Variants in PARN observed in about 807,000 individuals in gnomAD.
PARN encodes poly(A)-specific ribonuclease PARN.
PARN carries 71 observed loss-of-function variants against 102.8 expected under a neutral mutation model. The observed-to-expected ratio is 0.69, with a 90% CI of 0.57 to 0.84. The LOEUF (loss-of-function observed/expected upper bound fraction) is 0.84. Ranked by LOEUF, PARN falls within the 40% of genes least tolerant of loss-of-function variation. The pLI is 0.00. For missense variants in PARN, 782 were observed against 760.9 expected (o/e 1.03, Z -0.33); for synonymous variants, 261 against 252.9 (o/e 1.03, Z -0.30).
chr16:14,628,196 T>C lies in PARN; in HGVS notation c.153A>G (p.Glu51=). Residue 51 remains glutamate, a synonymous_variant, in exon 3 of 24, where the codon GAA becomes GAG. Coordinates refer to ENST00000437198, the MANE Select transcript of PARN (RefSeq NM_002582.4). The part of the protein sequence containing the change: ...SALTNGFDTP[E]ERYQKLKKHS... ...CCTTTTTAAGCTTCTGATACCTCTC[T>C]TCTGGAGTGTCAAAACCATTTGTTA... 2 of 1,602,956 alleles carry C rather than the reference T, an allele frequency of 1.2e-6. No individual in the cohort carries two copies. Among genetic ancestry groups the C allele is most frequent in the Non-Finnish European group, 1.7e-6 (2 of 1,170,306 alleles).
chr16:14,474,022 TC>T (rs1340387266), intron 22 of PARN, among the ~76,000 whole-genome samples: 3 of 152,142 alleles, frequency 2.0e-5, no homozygotes, highest in African/African-American at 7.2e-5. Context: ...TTTCTGAGTC[TC>T]ATTTTGTCAC....
Position 14,586,070 on chromosome 16 carries a change from C to T in PARN, c.962+248G>A, listed in dbSNP as rs192225871. Among the ~76,000 whole-genome samples, 638 of 150,882 alleles carry T rather than the reference C, an allele frequency of 4.2e-3. 2 individuals carry two copies. The highest frequency in any genetic ancestry group is 0.01 in the Middle Eastern group (3 of 292). ...TTATGGCTCACTGCAACCTGGACCT[C>T]CTGGGTTCAAGCAATTCGCCCACTT... is the stretch of plus-strand genomic sequence containing the variant. On this transcript the variant is annotated intron_variant, in intron 14 of 23. Transcript: ENST00000437198.
At chr16:14,506,052 G>A (rs1964880980) in intron 21 of PARN, among the ~76,000 whole-genome samples, 1 of 152,170 alleles carries the variant, frequency 6.6e-6, no homozygotes, top group Non-Finnish European at 1.5e-5. Flanking sequence ...AGCAATAAGG[G>A]AACAAACTGA....
In PARN at chr16:14,549,374, G is replaced by A. The variant is rs113132604; in HGVS notation, c.1480+2647C>T. On this transcript the variant is annotated intron_variant, in intron 21 of 23. Coordinates refer to ENST00000437198, the MANE Select transcript of PARN (RefSeq NM_002582.4). ...TTCCTCATGCTGCAGTGTGTGTCAGGTATGAGAGAGGACTCAGGGCCAAAC... is the reference window on the plus strand; with the variant it reads ...TTCCTCATGCTGCAGTGTGTGTCAGATATGAGAGAGGACTCAGGGCCAAAC... Among the ~76,000 whole-genome samples, 1,231 of 152,190 alleles carry A rather than the reference G, an allele frequency of 8.1e-3. 10 individuals are homozygous for A. The highest frequency in any genetic ancestry group is 0.013 in the Non-Finnish European group (901 of 68,012).
At chr16:14,488,222 C>T (rs1258027748) in intron 21 of PARN, among the ~76,000 whole-genome samples, 3 of 152,094 alleles carry the variant, frequency 2.0e-5, no homozygotes, top group Non-Finnish European at 4.4e-5. Flanking sequence ...CTTAGTCACA[C>T]CATGCCGAAA....
intron 9 of PARN, among the ~76,000 whole-genome samples, chr16:14,607,653 T>A (rs1292036100): frequency 3.3e-5 from 5 of 152,128 alleles, no homozygotes; most frequent in African/African-American, 1.2e-4. Flanking sequence ...AAGGACGACA[T>A]GACAGGAAAG....
chr16:14,600,656 T>C (rs1461157233), intron 11 of PARN, among the ~76,000 whole-genome samples: 1 of 151,940 alleles, frequency 6.6e-6, no homozygotes, highest in Non-Finnish European at 1.5e-5. Flanking sequence ...ACTGGCTGGG[T>C]GAAGTGGCTC....
intron 16 of PARN, among the ~76,000 whole-genome samples, chr16:14,583,551 G>A (rs1268423327): frequency 1.3e-5 from 2 of 152,006 alleles, no homozygotes; most frequent in East Asian, 3.8e-4. Context: ...TATAGAAAAG[G>A]TCCACGTTTT....
At chr16:14,564,040 C>G (rs1420106532) in intron 18 of PARN, among the ~76,000 whole-genome samples, 1 of 152,074 alleles carries the variant, frequency 6.6e-6, no homozygotes, top group East Asian at 1.9e-4. Context: ...CCCTTGGCCA[C>G]CATGGAGGCC....
intron 22 of PARN, among the ~76,000 whole-genome samples, chr16:14,479,948 T>C (rs1963288122): frequency 6.7e-6 from 1 of 148,202 alleles, no homozygotes; most frequent in African/African-American, 2.5e-5. Context: ...AGACAATCAC[T>C]GCAACCTTAG....
chr16:14,604,024 T>C, intron 11 of PARN, 122 bp downstream of exon 11: 2 of 735,586 alleles, frequency 2.7e-6, no homozygotes, highest in Non-Finnish European at 4.7e-6. Context: ...GCCAATTCCA[T>C]TGTTCTATGA....
At chr16:14,604,487 C>T (rs770867065) in intron 10 of PARN, among the ~76,000 whole-genome samples, 2 of 152,066 alleles carry the variant, frequency 1.3e-5, no homozygotes, top group Non-Finnish European at 2.9e-5. Context: ...TCTCAAACTC[C>T]CCACCTCAGG....
At chr16:14,579,710 C>T (rs956399363) in intron 18 of PARN, among the ~76,000 whole-genome samples, 3 of 152,140 alleles carry the variant, frequency 2.0e-5, no homozygotes, top group Non-Finnish European at 4.4e-5. Context: ...CACGGTGGTT[C>T]ACACCTGTAA....
At chr16:14,629,531 G>A (rs987581406) in intron 2 of PARN, 66 bp downstream of exon 2, 18 of 1,174,338 alleles carry the variant, frequency 1.5e-5, no homozygotes, top group Admixed American at 8.5e-5. Context: ...GTTGGGGGCT[G>A]GGGGATTGAA....
intron 13 of PARN, among the ~76,000 whole-genome samples, chr16:14,590,432 C>T (rs563828657): frequency 1.3e-4 from 20 of 151,638 alleles, no homozygotes; most frequent in South Asian, 2.1e-4. Context: ...ATGAGGCGTT[C>T]GAGACCAGCC....
intron 5 of PARN, among the ~76,000 whole-genome samples, chr16:14,621,230 T>C (rs1368447856): frequency 6.6e-6 from 1 of 152,216 alleles, no homozygotes; most frequent in Non-Finnish European, 1.5e-5. Flanking sequence ...CTTATAACTC[T>C]GCCCACCTAA....
intron 21 of PARN, among the ~76,000 whole-genome samples, chr16:14,551,361 G>A (rs985386166): frequency 6.6e-6 from 1 of 151,890 alleles, no homozygotes; most frequent in African/African-American, 2.4e-5. Context: ...CTGAGGTCAG[G>A]AGTTTGAGAC....
At chr16:14,473,864 T>C (rs1962891009) in intron 22 of PARN, among the ~76,000 whole-genome samples, 1 of 152,160 alleles carries the variant, frequency 6.6e-6, no homozygotes, top group Non-Finnish European at 1.5e-5. Context: ...ACGGGCTGAG[T>C]ACACATTCTT....
Position 14,610,721 on chromosome 16 carries a change from C to G in PARN, c.477G>C (p.Leu159=). Residue 159 remains leucine, a synonymous_variant, in exon 7 of 24, where the codon CTG becomes CTC. Transcript: ENST00000437198. The part of the protein sequence containing the change: ...KRSQANGAGA[L]SYVSPNTSKC... ...TTGAAGTGTTAGGAGATACATAGGACAGAGCTCCTGCACCATTCGCCTGTG... is the reference window on the plus strand; with the variant it reads ...TTGAAGTGTTAGGAGATACATAGGAGAGAGCTCCTGCACCATTCGCCTGTG... 6.2e-7 allele frequency: 1 copy of G among 1,605,112 alleles called. No individual in the cohort carries two copies. The highest frequency in any genetic ancestry group is 8.5e-7 in the Non-Finnish European group (1 of 1,171,774).
Sources: gnomAD v4.1 joint callset for allele counts (sites outside exome capture counted in the v4.1 genomes callset) on GRCh38, gnomAD v4.1.1 for gene constraint, MANE v1.5 for transcripts, NCBI Gene and HGNC (gene_info 2026-07-23, HGNC 2026-07-21) for gene names.